SPMIP2: variants seen among roughly 807,000 people sequenced by gnomAD.
SPMIP2 encodes the protein sperm microtubule inner protein 2.
At chr4:159,035,177 ACT>A in the SPMIP2 span, 6 of 1,163,422 alleles carry the variant, frequency 5.2e-6, no homozygotes, top group Admixed American at 2.0e-5. Flanking sequence ...AGAACGAAAG[ACT>A]CTGCAGTCTT....
chr4:158,949,817 A>G, the SPMIP2 span, among the ~76,000 whole-genome samples: 1 of 152,224 alleles, frequency 6.6e-6, no homozygotes, highest in Non-Finnish European at 1.5e-5. Context: ...ATGAGCAGAC[A>G]GACCACAAGA....
chr4:158,927,916 G>C, the SPMIP2 span, among the ~76,000 whole-genome samples: 2 of 152,224 alleles, frequency 1.3e-5, no homozygotes, highest in Non-Finnish European at 1.5e-5. Flanking sequence ...TCGATTTCTC[G>C]GCGGGCCTTA....
chr4:158,935,508 G>A, the SPMIP2 span, among the ~76,000 whole-genome samples: 13 of 152,076 alleles, frequency 8.5e-5, no homozygotes, highest in Non-Finnish European at 1.3e-4. Context: ...GCATCTAGCC[G>A]AATTCCTGAC....
chr4:159,057,090 GA>G, the SPMIP2 span, among the ~76,000 whole-genome samples: 2 of 152,104 alleles, frequency 1.3e-5, no homozygotes, highest in African/African-American at 4.8e-5. Flanking sequence ...CCGGATTTAG[GA>G]TTTGGAATTT....
At chr4:158,999,341 A>G in the SPMIP2 span, among the ~76,000 whole-genome samples, 1 of 152,226 alleles carries the variant, frequency 6.6e-6, no homozygotes, top group Non-Finnish European at 1.5e-5. Flanking sequence ...TTTAGCCTGG[A>G]TGAAATGTGG....
At chr4:159,048,270 C>T in the SPMIP2 span, among the ~76,000 whole-genome samples, 8 of 152,160 alleles carry the variant, frequency 5.3e-5, no homozygotes, top group Non-Finnish European at 1.2e-4. Flanking sequence ...TGTGCTATCT[C>T]CTGTTGAAGC....
At chr4:158,900,595 CTTCT>C in the SPMIP2 span, among the ~76,000 whole-genome samples, 6 of 152,140 alleles carry the variant, frequency 3.9e-5, no homozygotes, top group Non-Finnish European at 7.3e-5. Flanking sequence ...ATGTAATGCC[CTTCT>C]TTGTCTCTTT....
chr4:159,054,883 C>G, the SPMIP2 span, among the ~76,000 whole-genome samples: 1 of 149,972 alleles, frequency 6.7e-6, no homozygotes, highest in East Asian at 2.0e-4. Context: ...AGCATGTGCT[C>G]TGCTCCCACT....
At chr4:159,034,178 T>G in the SPMIP2 span, among the ~76,000 whole-genome samples, 5 of 152,148 alleles carry the variant, frequency 3.3e-5, no homozygotes, top group Non-Finnish European at 2.9e-5. Flanking sequence ...AAAATGAAGT[T>G]TAGTTTATGC....
At chr4:158,916,974 G>A in the SPMIP2 span, among the ~76,000 whole-genome samples, 1 of 152,112 alleles carries the variant, frequency 6.6e-6, no homozygotes, top group Non-Finnish European at 1.5e-5. Flanking sequence ...GGTCCTGCTG[G>A]GCATGGTGGC....
chr4:158,985,880 A>G, the SPMIP2 span, among the ~76,000 whole-genome samples: 1 of 151,962 alleles, frequency 6.6e-6, no homozygotes, highest in Admixed American at 6.6e-5. Flanking sequence ...TATATCTAGA[A>G]AACCCCATTG....
the SPMIP2 span, among the ~76,000 whole-genome samples, chr4:158,941,672 G>C: frequency 1.9e-4 from 29 of 152,194 alleles, no homozygotes; most frequent in African/African-American, 5.8e-4. Context: ...AAACAGAAAG[G>C]AGATTTCTGC....
At chr4:159,077,474 G>A in the SPMIP2 span, among the ~76,000 whole-genome samples, 1 of 152,036 alleles carries the variant, frequency 6.6e-6, no homozygotes, top group Non-Finnish European at 1.5e-5. Flanking sequence ...GTTTTTCTTA[G>A]GAGGGTTTTT....
At chr4:159,080,187 T>A in the SPMIP2 span, among the ~76,000 whole-genome samples, 1 of 149,210 alleles carries the variant, frequency 6.7e-6, no homozygotes, top group Non-Finnish European at 1.5e-5. Context: ...TGCGTTCTGA[T>A]ACATGCACAA....
the SPMIP2 span, among the ~76,000 whole-genome samples, chr4:158,929,641 C>T: frequency 3.3e-5 from 5 of 152,244 alleles, no homozygotes; most frequent in African/African-American, 1.2e-4. Context: ...TTAATACCAA[C>T]TTAATTTCCA....
chr4:158,910,441 T>G, the SPMIP2 span, among the ~76,000 whole-genome samples: 29 of 151,934 alleles, frequency 1.9e-4, no homozygotes, highest in Middle Eastern at 3.4e-3. Flanking sequence ...CGCCAGCTAA[T>G]TCTGTATTTT....
the SPMIP2 span, chr4:158,973,008 G>T: frequency 1.9e-6 from 2 of 1,028,762 alleles, no homozygotes; most frequent in Non-Finnish European, 2.8e-6. Context: ...CATTTCCTTT[G>T]GAAGCAAATT....
the SPMIP2 span, among the ~76,000 whole-genome samples, chr4:159,024,519 AGAAAGGGAAGAAAG>A: frequency 6.6e-6 from 1 of 152,152 alleles, no homozygotes; most frequent in East Asian, 1.9e-4. Flanking sequence ...TCCTCTTGCA[AGAAAGGGAAGAAAG>A]GAAAGGGAAA....
chr4:158,955,500 G>A, the SPMIP2 span, among the ~76,000 whole-genome samples: 3 of 152,220 alleles, frequency 2.0e-5, no homozygotes, highest in African/African-American at 7.2e-5. Flanking sequence ...CACCTCCGGG[G>A]TTCAAGTGAT....
Sources: allele counts gnomAD v4.1 joint callset (sites outside exome capture counted in the v4.1 genomes callset), GRCh38; gene constraint gnomAD v4.1.1; transcripts MANE v1.5; gene names NCBI Gene and HGNC (gene_info 2026-07-23, HGNC 2026-07-21).